ADAM11: variants seen among roughly 807,000 people sequenced by gnomAD.
ADAM11 encodes the protein disintegrin and metalloproteinase domain-containing protein 11.
A neutral mutation model predicts 119.1 loss-of-function variants in ADAM11; 49 were observed. That is an observed-to-expected ratio of 0.41 (90% CI 0.33 to 0.52). The LOEUF (loss-of-function observed/expected upper bound fraction) is 0.52. ADAM11 is among the 20% of genes least tolerant of loss of function. The pLI is 0.20. For missense variants in ADAM11, 777 were observed against 1,047.5 expected (o/e 0.74, Z 3.56); for synonymous variants, 364 against 408.0 (o/e 0.89, Z 1.30).
At chr17:44,763,309 G>A (rs954222106) in intron 2 of ADAM11, among the ~76,000 whole-genome samples, 5 of 152,224 alleles carry the variant, frequency 3.3e-5, no homozygotes, top group African/African-American at 1.2e-4. Context: ...GAGAGGCAAC[G>A]TAACTGCCCC....
chr17:44,772,708 G>A lies in ADAM11; in HGVS notation c.679-149G>A. On this transcript the variant is annotated intron_variant, in intron 8 of 26. Coordinates refer to ENST00000200557, the MANE Select transcript of ADAM11 (RefSeq NM_002390.6). The surrounding 1 kb of genome is among the most constrained non-coding windows in gnomAD (Gnocchi z 4.5). ...TGCCTGCCCTCATTCCAAAGCTGAGGAAGGACAGGACCCTCTGCCAGTGGG... is the reference window on the plus strand; with the variant it reads ...TGCCTGCCCTCATTCCAAAGCTGAGAAAGGACAGGACCCTCTGCCAGTGGG... The A allele has an allele frequency of 1.1e-6, 1 of 891,722 alleles. No homozygotes were observed. The highest frequency in any genetic ancestry group is 1.7e-5 in the South Asian group (1 of 59,680). The allele number at this position is 891,722 out of a possible 1,614,324, so 55.2% of individuals were successfully genotyped here.
chr17:44,777,037 C>A lies in ADAM11; in HGVS notation c.1681+75C>A. The stretch of plus-strand genomic sequence containing the variant: ...AGAAGCTGGGGAGAGTGGGTTCCAG[C>A]TGAACAGGCCCCCAAGTGTGTAGCT... On this transcript the variant is annotated intron_variant, in intron 20 of 26. Transcript: ENST00000200557. The surrounding 1 kb of genome is among the most constrained non-coding windows in gnomAD (Gnocchi z 5.1). 6.4e-7 allele frequency: 1 copy of A among 1,564,034 alleles called. No homozygotes were observed. The highest frequency in any genetic ancestry group is 2.2e-4 in the Middle Eastern group (1 of 4,560).
intron 2 of ADAM11, among the ~76,000 whole-genome samples, chr17:44,763,556 G>C (rs1354555541): frequency 1.3e-5 from 2 of 152,216 alleles, no homozygotes; most frequent in Non-Finnish European, 2.9e-5. Context: ...GTTCCAGGGA[G>C]CCTGCAGCCG....
At chr17:44,769,696 C>A (rs747620502) in intron 2 of ADAM11, 22 bp from the exon 3 acceptor site, 1 of 1,587,898 alleles carries the variant, frequency 6.3e-7, no homozygotes, top group Admixed American at 1.7e-5. Context: ...GTTGACTCCC[C>A]CTCTGCCCTC....
At position 44,766,528 on chromosome 17, in the gene ADAM11, G is replaced by A. The variant is rs372521614; in HGVS notation, c.238-3190G>A. ...AGAGGAGCCTCGGGTGGAAGGGGTG[G>A]TCACCCCTGCCAGGCAGTCACAGCT... On this transcript the variant is annotated intron_variant, in intron 2 of 26. Coordinates refer to ENST00000200557, the MANE Select transcript of ADAM11 (RefSeq NM_002390.6). 5.7e-3 allele frequency among the ~76,000 whole-genome samples: 863 copies of A among 152,238 alleles called. 10 individuals are homozygous for A. The highest frequency in any genetic ancestry group is 0.02 in the African/African-American group (833 of 41,536).
intron 26 of ADAM11, 67 bp downstream of exon 26, chr17:44,779,306 CCTCCAT>C (rs1216171047): frequency 5.9e-6 from 9 of 1,523,300 alleles, no homozygotes; most frequent in African/African-American, 1.4e-5. Flanking sequence ...GTCCTTGTCT[CCTCCAT>C]CTCATTCGTC....
Position 44,771,581 on chromosome 17 carries a change from C to T in ADAM11, c.382-3C>T, listed in dbSNP as rs1204589169. The T allele has an allele frequency of 6.2e-7, 1 of 1,611,354 alleles. No homozygotes were observed. The highest frequency in any genetic ancestry group is 8.5e-7 in the Non-Finnish European group (1 of 1,179,536). ...CGTTCTGCTCACTGTTCTGCTCCTT[C>T]AGGGGGCTGGAGACCACTGCTACTA... On this transcript the variant is annotated splice_polypyrimidine_tract_variant and splice_region_variant and intron_variant, in intron 4 of 26. Transcript: ENST00000200557.
chr17:44,769,040 T>C (rs532709622), intron 2 of ADAM11, among the ~76,000 whole-genome samples: 28 of 152,340 alleles, frequency 1.8e-4, no homozygotes, highest in Middle Eastern at 3.4e-3. Context: ...GAAAAATTTA[T>C]CAGGAAAACT....
At chr17:44,778,288 G>A (rs1269152950) in intron 25 of ADAM11, 46 bp downstream of exon 25, 3 of 1,557,844 alleles carry the variant, frequency 1.9e-6, no homozygotes, top group Non-Finnish European at 1.7e-6. Context: ...CTTGAGGGGG[G>A]ATCAGAATCC....
intron 26 of ADAM11, chr17:44,779,494 T>C: frequency 1.0e-6 from 1 of 985,388 alleles, no homozygotes; most frequent in Non-Finnish European, 1.2e-6. Flanking sequence ...GGCCCTCCCC[T>C]GCCACCAGGT....
At chr17:44,764,770 G>A (rs1464237890) in intron 2 of ADAM11, among the ~76,000 whole-genome samples, 1 of 152,116 alleles carries the variant, frequency 6.6e-6, no homozygotes, top group Non-Finnish European at 1.5e-5. Flanking sequence ...AGGCTGCTGC[G>A]AGGACTTGAG....
rs2049598603 is a variant in ADAM11, at chr17:44,776,149, G to T, written c.1508G>T (p.Cys503Phe). 1 of 1,613,556 alleles carries T rather than the reference G, an allele frequency of 6.2e-7. No individual in the cohort carries two copies. Among genetic ancestry groups the T allele is most frequent in the Admixed American group, 1.7e-5 (1 of 59,992 alleles). The change falls in exon 18 of 27, where the codon TGC (cysteine) becomes TTC (phenylalanine). Residue 503 changes from cysteine (C) to phenylalanine (F), a missense_variant. Physicochemically the swap from Cys to Phe is radical, Grantham distance 205. This residue lies in a region of ADAM11 where 348 missense variants were observed against 486.7 expected (regional missense o/e 0.72). Coordinates refer to ENST00000200557, the MANE Select transcript of ADAM11 (RefSeq NM_002390.6). The surrounding 1 kb of genome is among the most constrained non-coding windows in gnomAD (Gnocchi z 5.2). ...TAGTACGAACCACGGGGTGTGTCCTGCCGAGAGGCCGTGAACGAGTGCGAC... is the reference window on the plus strand; with the variant it reads ...TAGTACGAACCACGGGGTGTGTCCTTCCGAGAGGCCGTGAACGAGTGCGAC... ...RCKYEPRGVS[C>F]REAVNECDIA...
intron 2 of ADAM11, among the ~76,000 whole-genome samples, chr17:44,763,716 T>C (rs1478435095): frequency 6.6e-6 from 1 of 151,662 alleles, no homozygotes; most frequent in East Asian, 1.9e-4. Flanking sequence ...GATCTTGTTT[T>C]CTTTCTTTTT....
In ADAM11 at chr17:44,762,529, C is replaced by T. The variant is rs556846959; in HGVS notation, c.237+2632C>T. Among the ~76,000 whole-genome samples the T allele has an allele frequency of 3.9e-5, 6 of 152,274 alleles. No individual in the cohort carries two copies. The East Asian group carries it at 1.2e-3, about 29-fold the overall frequency. The stretch of plus-strand genomic sequence containing the variant: ...GGGCATTGCTTGGTTTTTGCCTTAA[C>T]TTACTGCCCTGGTTTGGAACTTCAA... On this transcript the variant is annotated intron_variant, in intron 2 of 26. Transcript: ENST00000200557.
rs747238357 is a variant in ADAM11, at chr17:44,759,820, G to T, written c.160G>T (p.Val54Phe). Reference sequence around the variant, plus strand: ...TGAGGTCACGGAACCCAGCCGTCTGGTTAGGGAGAGCTCCGGGGGAGAGGT... The same window carrying T: ...TGAGGTCACGGAACCCAGCCGTCTGTTTAGGGAGAGCTCCGGGGGAGAGGT... The part of the protein sequence containing the change: ...APEVTEPSRL[V>F]RESSGGEVRK... Residue 54 changes from valine (V) to phenylalanine (F), a missense_variant, in exon 2 of 27, where the codon GTT becomes TTT. Around this residue, in one of 4 missense-constraint regions of ADAM11, gnomAD observed 278 missense variants for 310.1 expected, o/e 0.90. Coordinates refer to ENST00000200557, the MANE Select transcript of ADAM11 (RefSeq NM_002390.6). 1.5e-6 allele frequency: 2 copies of T among 1,317,326 alleles called. No individual in the cohort carries two copies. The highest frequency in any genetic ancestry group is 6.1e-5 in the South Asian group (2 of 32,922). 81.6% of individuals were successfully genotyped at this position (1,317,326 alleles called of 1,614,324 possible).
rs563851215 is a variant in ADAM11 at position 44,759,958 on chromosome 17, C to T, written c.237+61C>T. On this transcript the variant is annotated intron_variant, in intron 2 of 26. Coordinates refer to ENST00000200557, the MANE Select transcript of ADAM11 (RefSeq NM_002390.6). ...GCAGGCCTCAGAGCCCCAGGAAGCC[C>T]ACGGGGTAACCAGGGTTGGAGTCCC... 3.1e-3 allele frequency: 3,887 copies of T among 1,244,922 alleles called. 12 individuals carry two copies. The highest frequency in any genetic ancestry group is 3.5e-3 in the Non-Finnish European group (3,460 of 987,012). The allele number at this position is 1,244,922 out of a possible 1,614,324, so 77.1% of individuals were successfully genotyped here.
Position 44,776,325 on chromosome 17 carries a change from T to G in ADAM11, c.1566+118T>G. ...CTCCTCTCCACAGCTGGCATCGACC[T>G]CCACTGATCAGACTGTTTTCTTATC... On this transcript the variant is annotated intron_variant, in intron 18 of 26. Transcript: ENST00000200557. The surrounding 1 kb of genome is among the most constrained non-coding windows in gnomAD (Gnocchi z 5.2). The G allele has an allele frequency of 9.1e-7, 1 of 1,101,214 alleles. No homozygotes were observed. The highest frequency in any genetic ancestry group is 2.0e-4 in the Middle Eastern group (1 of 4,954). 68.2% of individuals were successfully genotyped at this position (1,101,214 alleles called of 1,614,324 possible). A position where few individuals can be genotyped will look rare whatever the true frequency, so the allele number is the denominator to read the frequency against.
rs763639298 is a variant in ADAM11, at chr17:44,775,510, G to A, written c.1392+45G>A. The A allele has an allele frequency of 5.7e-6, 9 of 1,583,330 alleles. No homozygotes were observed. The South Asian group carries it at 6.8e-5, about 12-fold the overall frequency. On this transcript the variant is annotated intron_variant, in intron 16 of 26. Transcript: ENST00000200557. The surrounding 1 kb of genome is among the most constrained non-coding windows in gnomAD (Gnocchi z 7.5). ...CCAGGTGGGGAACCGGGATGCGGGG[G>A]TGGGCACGAGGGAGCGTCTGAGTGG...
At position 44,771,469 on chromosome 17, in the gene ADAM11, A is replaced by G. The variant is rs557225135; in HGVS notation, c.382-115A>G. The G allele has an allele frequency of 1.5e-4, 160 of 1,056,546 alleles. No individual in the cohort carries two copies. The African/African-American group carries it at 2.3e-3, about 15-fold the overall frequency. The allele number at this position is 1,056,546 out of a possible 1,614,324, so 65.4% of individuals were successfully genotyped here. On this transcript the variant is annotated intron_variant, in intron 4 of 26. Coordinates refer to ENST00000200557, the MANE Select transcript of ADAM11 (RefSeq NM_002390.6). Reference sequence around the variant, plus strand: ...AGGCTCCAGAGCCCCAGGCATACCCAGGGATTGTGGCCACCTGCACACAGG... The same window carrying G: ...AGGCTCCAGAGCCCCAGGCATACCCGGGGATTGTGGCCACCTGCACACAGG...
Sources: gnomAD v4.1 joint callset for allele counts (sites outside exome capture counted in the v4.1 genomes callset) on GRCh38, gnomAD v4.1.1 for gene constraint, gnomAD v4.1.1 regional missense constraint, Gnocchi (gnomAD v3.1) non-coding constraint, MANE v1.5 for transcripts, NCBI Gene and HGNC (gene_info 2026-07-23, HGNC 2026-07-21) for gene names.